The following TAF15 variants were observed in gnomAD, a reference collection of about 807,000 sequenced individuals.
TAF15 encodes the protein TATA-binding protein-associated factor 2N.
In TAF15, 37 loss-of-function variants were observed where a neutral mutation model predicts 102.5. The observed-to-expected ratio is 0.36, with a 90% CI of 0.28 to 0.47. The LOEUF is 0.47. Ranked by LOEUF, TAF15 falls within the 20% of genes least tolerant of loss-of-function variation. The pLI, the probability that TAF15 is intolerant of heterozygous loss-of-function variation, is 0.99. For missense variants in TAF15, 652 were observed against 760.7 expected, an observed-to-expected ratio of 0.86 and a Z score of 1.68; for synonymous variants, 273 against 259.2, an observed-to-expected ratio of 1.05 and a Z score of -0.51.
chr17:35,824,328 G>A, intron 7 of TAF15, 130 bp downstream of exon 7: 1 of 1,224,752 alleles, frequency 8.2e-7, no homozygotes, highest in Non-Finnish European at 1.1e-6. Context: ...TTATATATTG[G>A]AGAAAAAGGC....
chr17:35,833,178 T>C (rs1236852225), intron 7 of TAF15, among the ~76,000 whole-genome samples: 1 of 151,192 alleles, frequency 6.6e-6, no homozygotes. Flanking sequence ...AAAGTTGTCC[T>C]GTTTGGAATA....
intron 2 of TAF15, among the ~76,000 whole-genome samples, chr17:35,819,678 G>A (rs143418591): frequency 6.6e-4 from 101 of 152,148 alleles, no homozygotes; most frequent in African/African-American, 2.0e-3. Context: ...TGTGCTTCAG[G>A]TATTTATTAT....
At chr17:35,819,539 C>G (rs73990300) in intron 2 of TAF15, among the ~76,000 whole-genome samples, 227 of 152,210 alleles carry the variant, frequency 1.5e-3, no homozygotes, top group African/African-American at 5.2e-3. Flanking sequence ...AACTGGACTT[C>G]TAGTGCCTCC....
chr17:35,823,952 T>A (rs1281453659), intron 6 of TAF15, 126 bp from the exon 7 acceptor site: 2 of 1,149,274 alleles, frequency 1.7e-6, no homozygotes, highest in Non-Finnish European at 1.3e-6. Flanking sequence ...TGACTTGCAT[T>A]TGAGTTGTGT....
Position 35,844,903 on chromosome 17 carries a change from G to A in TAF15, c.1604G>A (p.Arg535His), listed in dbSNP as rs532683371. 6.7e-5 allele frequency: 108 copies of A among 1,613,086 alleles called. 1 individual carries two copies. The highest frequency in any genetic ancestry group is 5.9e-4 in the South Asian group (54 of 91,034). ...DRSRGGYGGD[R>H]GGGSGYGGDR... is the part of the protein sequence containing the mutation. ...AGCCGGGGGGGCTATGGAGGAGACC[G>A]TGGTGGTGGCAGTGGCTACGGTGGA... Residue 535 changes from arginine to histidine, a missense_variant, in exon 15 of 16, where the codon CGT (arginine) becomes CAT (histidine). Arg to His is a conservative substitution (Grantham distance 29). Coordinates refer to ENST00000605844, the MANE Select transcript of TAF15 (RefSeq NM_139215.3).
At chr17:35,829,060 A>G (rs1411445032) in intron 7 of TAF15, among the ~76,000 whole-genome samples, 7 of 145,950 alleles carry the variant, frequency 4.8e-5, no homozygotes, top group Admixed American at 4.0e-4. Context: ...GTTATGGAGA[A>G]TAGTACTTAA....
intron 11 of TAF15, 47 bp from the exon 12 acceptor site, chr17:35,842,320 G>GGA: frequency 3.6e-6 from 5 of 1,404,494 alleles, no homozygotes; most frequent in Non-Finnish European, 5.0e-6. Flanking sequence ...GTTGACAGGT[G>GGA]GAGGTATAGA....
chr17:35,815,842 A>G (rs1324497417), intron 1 of TAF15, among the ~76,000 whole-genome samples: 1 of 152,184 alleles, frequency 6.6e-6, no homozygotes, highest in African/African-American at 2.4e-5. Flanking sequence ...GTTGTTAGCT[A>G]CAACTCTAGC....
chr17:35,826,724 ATTT>A (rs756619028), intron 7 of TAF15, among the ~76,000 whole-genome samples: 5 of 127,988 alleles, frequency 3.9e-5, no homozygotes, highest in African/African-American at 8.7e-5. Flanking sequence ...CACCCGGCTA[ATTT>A]TTTTTTTTTT....
intron 7 of TAF15, among the ~76,000 whole-genome samples, chr17:35,833,244 A>G (rs1008862035): frequency 2.6e-5 from 4 of 152,176 alleles, no homozygotes; most frequent in African/African-American, 9.7e-5. Context: ...ATGTGGCAGC[A>G]TGAACCTCCG....
intron 2 of TAF15, among the ~76,000 whole-genome samples, chr17:35,818,205 C>T (rs1598521081): frequency 6.6e-6 from 1 of 152,194 alleles, no homozygotes; most frequent in African/African-American, 2.4e-5. Context: ...ACGCCATTCT[C>T]TGGCCTCAGC....
At chr17:35,833,682 G>A in intron 7 of TAF15, 1 of 543,530 alleles carries the variant, frequency 1.8e-6, no homozygotes, top group Admixed American at 3.0e-5. Flanking sequence ...GAGTATATTA[G>A]ATATGTAATA....
intron 11 of TAF15, among the ~76,000 whole-genome samples, chr17:35,840,918 CT>C (rs1327806310): frequency 1.3e-5 from 2 of 152,012 alleles, no homozygotes; most frequent in African/African-American, 4.8e-5. Flanking sequence ...GTATTCTTTA[CT>C]TTTTTAGACT....
At chr17:35,822,939 A>T (rs1280633740) in intron 6 of TAF15, 106 bp downstream of exon 6, 49 of 1,382,732 alleles carry the variant, frequency 3.5e-5, no homozygotes, top group Non-Finnish European at 4.9e-5. Flanking sequence ...GTAAAAATTT[A>T]GGGTAACCTT....
At chr17:35,845,068 T>C (rs760444841) in intron 15 of TAF15, 30 bp downstream of exon 15, 37 of 1,612,480 alleles carry the variant, frequency 2.3e-5, no homozygotes, top group African/African-American at 5.3e-5. Context: ...TATTAACCTT[T>C]TTACCTCACT....
intron 9 of TAF15, among the ~76,000 whole-genome samples, chr17:35,835,084 A>T (rs1690846285): frequency 6.6e-6 from 1 of 152,006 alleles, no homozygotes; most frequent in South Asian, 2.1e-4. Context: ...AAAATTCAGG[A>T]GTATTGATGG....
At chr17:35,827,519 A>G (rs1426629386) in intron 7 of TAF15, among the ~76,000 whole-genome samples, 5 of 152,144 alleles carry the variant, frequency 3.3e-5, no homozygotes, top group Non-Finnish European at 7.3e-5. Context: ...AGCCTGACCA[A>G]TAGGGTGAAA....
At chr17:35,828,225 A>G (rs921914091) in intron 7 of TAF15, among the ~76,000 whole-genome samples, 18 of 152,336 alleles carry the variant, frequency 1.2e-4, no homozygotes, top group Admixed American at 5.2e-4. Context: ...AGGGCACTGT[A>G]TACATCAGTC....
In TAF15 at chr17:35,836,161, A is replaced by G. The variant is rs1251330845; in HGVS notation, c.703A>G (p.Thr235Ala). Reference protein sequence around the residue: ...DSESDNSDNNTIFVQGLGEGV... With the variant: ...DSESDNSDNNAIFVQGLGEGV... ...AGAATCTGATAATTCAGATAACAAC[A>G]CAATCTTTGTGCAAGGACTTGGGGA... Residue 235 changes from threonine to alanine, a missense_variant, in exon 10 of 16, where the codon ACA becomes GCA. Thr to Ala is a moderately conservative substitution (Grantham distance 58). Transcript: ENST00000605844. 1 of 1,613,770 alleles carries G rather than the reference A, an allele frequency of 6.2e-7. No individual in the cohort carries two copies. The highest frequency in any genetic ancestry group is 8.5e-7 in the Non-Finnish European group (1 of 1,179,766).
Sources: gnomAD v4.1 joint callset for allele counts (sites outside exome capture counted in the v4.1 genomes callset) on GRCh38, gnomAD v4.1.1 for gene constraint, MANE v1.5 for transcripts, NCBI Gene and HGNC (gene_info 2026-07-23, HGNC 2026-07-21) for gene names.